ZNF33B: variants seen among roughly 807,000 people sequenced by gnomAD.
ZNF33B encodes zinc finger protein 11b (KOX 2).
In ZNF33B, 29 loss-of-function variants were observed where a neutral mutation model predicts 45.8. That is an observed-to-expected ratio of 0.63 (90% CI 0.47 to 0.86). The LOEUF (loss-of-function observed/expected upper bound fraction) is 0.86. Among genes scored for constraint, ZNF33B ranks in the 40% least tolerant of loss-of-function variants. The pLI is 0.00. For missense variants in ZNF33B, 831 were observed against 909.9 expected (o/e 0.91, Z 1.12); for synonymous variants, 305 against 307.8 (o/e 0.99, Z 0.10).
chr10:42,587,027 G>A (rs528559377), downstream of ZNF33B, among the ~76,000 whole-genome samples: 2 of 152,184 alleles, frequency 1.3e-5, no homozygotes, highest in African/African-American at 4.8e-5. Context: ...GTGACACTGG[G>A]CCCTCACATG....
downstream of ZNF33B, among the ~76,000 whole-genome samples, chr10:42,588,917 C>T (rs1836992186): frequency 6.6e-6 from 1 of 152,136 alleles, no homozygotes; most frequent in Non-Finnish European, 1.5e-5. Context: ...ATTTGAGGTC[C>T]TTTTGGCTTC....
intron 4 of ZNF33B, among the ~76,000 whole-genome samples, chr10:42,602,566 T>C (rs1241372163): frequency 1.3e-5 from 2 of 152,198 alleles, no homozygotes; most frequent in Non-Finnish European, 2.9e-5. Flanking sequence ...TTCCTATAAG[T>C]ATTTTTGTGC....
intron 4 of ZNF33B, among the ~76,000 whole-genome samples, chr10:42,602,710 T>G (rs1008358390): frequency 1.3e-5 from 2 of 152,164 alleles, no homozygotes; most frequent in Non-Finnish European, 2.9e-5. Flanking sequence ...GAAAAGACCT[T>G]TCTGAACACT....
chr10:42,638,414 C>T (rs1331481464), intron 1 of ZNF33B, 60 bp downstream of exon 1: 3 of 347,860 alleles, frequency 8.6e-6, no homozygotes, highest in Non-Finnish European at 1.7e-5. Context: ...CCCCCGGCTG[C>T]CTGCTCCTGG....
chr10:42,637,201 G>A (rs973753916), intron 1 of ZNF33B, among the ~76,000 whole-genome samples: 1 of 152,196 alleles, frequency 6.6e-6, no homozygotes, highest in Admixed American at 6.5e-5. Flanking sequence ...TTCATCAGGT[G>A]AAAGTAAATA....
At chr10:42,587,724 C>A (rs1388124750), downstream of ZNF33B, among the ~76,000 whole-genome samples, 1 of 152,220 alleles carries the variant, frequency 6.6e-6, no homozygotes, top group Non-Finnish European at 1.5e-5. Flanking sequence ...CCAGGCCATG[C>A]TCAGGCACAC....
chr10:42,601,602 T>C (rs1430065719), intron 4 of ZNF33B, among the ~76,000 whole-genome samples: 1 of 150,460 alleles, frequency 6.6e-6, no homozygotes, highest in Non-Finnish European at 1.5e-5. Flanking sequence ...GCCTCCTGAG[T>C]AGCTGGGACT....
chr10:42,634,454 A>G (rs2132171610), intron 2 of ZNF33B, among the ~76,000 whole-genome samples: 1 of 152,304 alleles, frequency 6.6e-6, no homozygotes, highest in African/African-American at 2.4e-5. Context: ...TCAACCCCAA[A>G]GAAAGTCTCA....
downstream of ZNF33B, among the ~76,000 whole-genome samples, chr10:42,584,803 G>A (rs902238691): frequency 2.0e-5 from 3 of 152,322 alleles, no homozygotes; most frequent in Admixed American, 1.3e-4. Flanking sequence ...CTACAGGCGT[G>A]AGCCATTGTG....
chr10:42,592,536 C>G lies in ZNF33B; in HGVS notation c.*77G>C. The stretch of plus-strand genomic sequence containing the variant: ...AGTTATTGAACATTCAGGATGTCAA[C>G]AGGCCCTTCTCCACAGTGTGAAGAC... On this transcript the variant is annotated 3_prime_UTR_variant, in exon 5 of 5. Coordinates refer to ENST00000359467, the MANE Select transcript of ZNF33B (RefSeq NM_006955.3). 1 of 1,519,504 alleles carries G rather than the reference C, an allele frequency of 6.6e-7. No individual in the cohort carries two copies. The highest frequency in any genetic ancestry group is 8.9e-7 in the Non-Finnish European group (1 of 1,129,744). The allele number at this position is 1,519,504 out of a possible 1,614,324, so 94.1% of individuals were successfully genotyped here.
chr10:42,636,541 G>C (rs977302930), intron 2 of ZNF33B, among the ~76,000 whole-genome samples: 2 of 152,118 alleles, frequency 1.3e-5, no homozygotes, highest in African/African-American at 4.8e-5. Context: ...TTGACTCTTG[G>C]CCAGGCACGG....
chr10:42,635,671 A>G (rs533870680), intron 2 of ZNF33B, among the ~76,000 whole-genome samples: 180 of 151,822 alleles, frequency 1.2e-3, no homozygotes, highest in Non-Finnish European at 2.1e-4. Flanking sequence ...TTAGCTGGGC[A>G]TGGTGGCGCA....
chr10:42,634,715 A>G (rs976063687), intron 2 of ZNF33B, among the ~76,000 whole-genome samples: 11 of 152,236 alleles, frequency 7.2e-5, no homozygotes, highest in African/African-American at 2.7e-4. Flanking sequence ...AAATAATTCT[A>G]CACTAACTGT....
chr10:42,636,002 G>A (rs963425643), intron 2 of ZNF33B, among the ~76,000 whole-genome samples: 7 of 151,816 alleles, frequency 4.6e-5, no homozygotes, highest in African/African-American at 7.3e-5. Context: ...GGTGGTGCAC[G>A]CCTGTAGTCC....
At chr10:42,578,361 C>T (rs139781591) in intron 1 of ZNF33B, 1 of 152,620 alleles carries the variant, frequency 6.6e-6, no homozygotes, top group Non-Finnish European at 1.5e-5. Flanking sequence ...TGGCATACAC[C>T]CTACTCCTCC....
intron 4 of ZNF33B, among the ~76,000 whole-genome samples, chr10:42,611,595 T>C (rs1446063055): frequency 6.6e-6 from 1 of 151,966 alleles, no homozygotes; most frequent in African/African-American, 2.4e-5. Flanking sequence ...AAAAAACAAA[T>C]TAGACTTCAT....
intron 2 of ZNF33B, among the ~76,000 whole-genome samples, chr10:42,634,987 C>T (rs1435098052): frequency 6.6e-6 from 1 of 152,190 alleles, no homozygotes; most frequent in African/African-American, 2.4e-5. Flanking sequence ...TGGCTCACAC[C>T]TGTAATCCCA....
intron 4 of ZNF33B, among the ~76,000 whole-genome samples, chr10:42,625,803 A>G (rs1383519073): frequency 6.6e-6 from 1 of 152,210 alleles, no homozygotes; most frequent in East Asian, 1.9e-4. Context: ...ATTCCTTGTA[A>G]TATTCTACAT....
At chr10:42,595,213 G>C (rs540133414) in intron 4 of ZNF33B, among the ~76,000 whole-genome samples, 3 of 152,182 alleles carry the variant, frequency 2.0e-5, no homozygotes, top group Non-Finnish European at 2.9e-5. Context: ...ACATGGAATA[G>C]AGGAGACAGA....
Sources: allele counts gnomAD v4.1 joint callset (sites outside exome capture counted in the v4.1 genomes callset), GRCh38; gene constraint gnomAD v4.1.1; transcripts MANE v1.5; gene names NCBI Gene and HGNC (gene_info 2026-07-23, HGNC 2026-07-21).